GABRR1: variants seen among roughly 807,000 people sequenced by gnomAD.
GABRR1 encodes the protein gamma-aminobutyric acid receptor subunit rho-1.
A neutral mutation model predicts 55.5 loss-of-function variants in GABRR1; 59 were observed. The observed-to-expected ratio is 1.06, with a 90% CI of 0.86 to 1.32. The LOEUF (loss-of-function observed/expected upper bound fraction) is 1.32. Among genes scored for constraint, GABRR1 ranks in the 40% most tolerant of loss-of-function variants. The pLI is 0.00. For synonymous variants in GABRR1, 213 were observed against 226.0 expected (o/e 0.94, Z 0.51); for missense variants, 602 against 619.1 (o/e 0.97, Z 0.29).
At chr6:89,214,816 G>A (rs903020959) in intron 1 of GABRR1, among the ~76,000 whole-genome samples, 3 of 152,034 alleles carry the variant, frequency 2.0e-5, no homozygotes, top group Non-Finnish European at 4.4e-5. Flanking sequence ...CTTGAAGCCA[G>A]GAGCTCGAGA....
At position 89,184,340 on chromosome 6, in the gene GABRR1, G is replaced by A. The variant is rs548244881; in HGVS notation, c.796+970C>T. ...CTTGTGTCCCTACTTTTTTTTTTAA[G>A]GCAAGAAATGAAGCAAGTTAACCTC... On this transcript the variant is annotated intron_variant, in intron 7 of 9. Transcript: ENST00000454853. Among the ~76,000 whole-genome samples, 62 of 148,588 alleles carry A rather than the reference G, an allele frequency of 4.2e-4. 3 individuals are homozygous for A. In the South Asian group the frequency reaches 0.013, roughly 31 times the overall value.
chr6:89,197,159 C>T (rs138616180), intron 5 of GABRR1, among the ~76,000 whole-genome samples: 9 of 152,330 alleles, frequency 5.9e-5, no homozygotes, highest in African/African-American at 1.9e-4. Context: ...TTCAACATTG[C>T]AATCTCTGAC....
intron 4 of GABRR1, among the ~76,000 whole-genome samples, chr6:89,198,482 GC>G: frequency 6.6e-6 from 1 of 151,788 alleles, no homozygotes; most frequent in Non-Finnish European, 1.5e-5. Flanking sequence ...AGTGTGCCTG[GC>G]CCTGCTTCAA....
chr6:89,216,955 A>G (rs1773002525), intron 1 of GABRR1, among the ~76,000 whole-genome samples: 2 of 152,202 alleles, frequency 1.3e-5, no homozygotes, highest in Non-Finnish European at 2.9e-5. Flanking sequence ...CCTTTCACCC[A>G]GGACAATTCA....
intron 7 of GABRR1, among the ~76,000 whole-genome samples, chr6:89,183,599 A>T (rs1430148817): frequency 6.6e-6 from 1 of 152,166 alleles, no homozygotes; most frequent in African/African-American, 2.4e-5. Flanking sequence ...AAAGATATGA[A>T]ATCAACCTAA....
intron 3 of GABRR1, among the ~76,000 whole-genome samples, chr6:89,199,719 T>A (rs142062641): frequency 1.3e-5 from 2 of 152,272 alleles, no homozygotes; most frequent in African/African-American, 4.8e-5. Flanking sequence ...GTAACTGACG[T>A]CTTAGCATGA....
At chr6:89,193,776 A>G (rs1332116802) in intron 5 of GABRR1, among the ~76,000 whole-genome samples, 1 of 152,184 alleles carries the variant, frequency 6.6e-6, no homozygotes, top group East Asian at 1.9e-4. Context: ...AAAAACAAAC[A>G]TATCACGCCA....
chr6:89,223,046 G>GA (rs112642514), intron 1 of GABRR1, among the ~76,000 whole-genome samples: 23 of 151,978 alleles, frequency 1.5e-4, no homozygotes, highest in African/African-American at 5.6e-4. Context: ...TCCTTGTCTA[G>GA]ATTTTTTTTT....
Position 89,217,190 on chromosome 6 carries a change from T to A in GABRR1, c.122+11A>T. 6.2e-7 allele frequency: 1 copy of A among 1,613,750 alleles called. No homozygotes were observed. Among genetic ancestry groups the A allele is most frequent in the South Asian group, 1.1e-5 (1 of 90,980 alleles). On this transcript the variant is annotated intron_variant, in intron 1 of 9. Coordinates refer to ENST00000454853, the MANE Select transcript of GABRR1 (RefSeq NM_002042.5). ...TTTTCCTAAATCCTCTATCCCTAAA[T>A]GTCCACTCACCTGCCTTTCTTAGAC...
At chr6:89,225,068 A>T (rs1773177498) in intron 1 of GABRR1, among the ~76,000 whole-genome samples, 1 of 152,202 alleles carries the variant, frequency 6.6e-6, no homozygotes, top group Non-Finnish European at 1.5e-5. Context: ...GGCGAGAGCC[A>T]CCGTGCCCAG....
At chr6:89,197,403 T>C (rs989171130) in intron 5 of GABRR1, among the ~76,000 whole-genome samples, 1 of 152,202 alleles carries the variant, frequency 6.6e-6, no homozygotes, top group Non-Finnish European at 1.5e-5. Context: ...GTTTCTAAAG[T>C]TCCTGTGCAG....
chr6:89,221,093 C>T (rs1032044768), upstream of GABRR1, among the ~76,000 whole-genome samples: 1 of 152,150 alleles, frequency 6.6e-6, no homozygotes, highest in Non-Finnish European at 1.5e-5. Context: ...TTCTCACTCT[C>T]CTTTTTATTC....
At chr6:89,202,167 A>G (rs986577323) in intron 2 of GABRR1, among the ~76,000 whole-genome samples, 1 of 152,158 alleles carries the variant, frequency 6.6e-6, no homozygotes, top group African/African-American at 2.4e-5. Flanking sequence ...CTTTTTCTCG[A>G]TTGGTAACAT....
Position 89,178,907 on chromosome 6 carries a change from A to C in GABRR1, c.1303T>G (p.Ser435Ala), listed in dbSNP as rs375411182. ...VQLTLASERS[S>A]PQRKSQRSSY... ...CTTCTCTGACTTTTCCTCTGTGGGG[A>C]GCTCCTCTCTGAGGCCAGGGTCAGC... Residue 435 changes from serine to alanine, a missense_variant, in exon 10 of 10, where the codon TCC becomes GCC. By Grantham distance (99) the Ser-to-Ala change is moderately conservative. This residue lies in a region of GABRR1 where 139 missense variants were observed against 141.1 expected (regional missense o/e 0.99). Coordinates refer to ENST00000454853, the MANE Select transcript of GABRR1 (RefSeq NM_002042.5). 1 of 1,613,976 alleles carries C rather than the reference A, an allele frequency of 6.2e-7. No homozygotes were observed. Among genetic ancestry groups the C allele is most frequent in the Non-Finnish European group, 8.5e-7 (1 of 1,179,998 alleles).
chr6:89,217,345 C>T lies in GABRR1; in HGVS notation c.-23G>A. ...CATGGGTTTCCAAATTCAAACAGCT[C>T]TCTCCAGAAACAGCAAAAAGGAAAA... On this transcript the variant is annotated 5_prime_UTR_variant, in exon 1 of 10. Transcript: ENST00000454853. 1 of 1,613,290 alleles carries T rather than the reference C, an allele frequency of 6.2e-7. No individual in the cohort carries two copies. Among genetic ancestry groups the T allele is most frequent in the Non-Finnish European group, 8.5e-7 (1 of 1,179,580 alleles).
intron 6 of GABRR1, among the ~76,000 whole-genome samples, chr6:89,189,637 T>C (rs1471913910): frequency 1.3e-5 from 2 of 150,066 alleles, no homozygotes; most frequent in Non-Finnish European, 3.0e-5. Flanking sequence ...AATGTGCACA[T>C]GTACCCTAAA....
intron 7 of GABRR1, 90 bp from the exon 8 acceptor site, chr6:89,182,147 T>C: frequency 8.4e-7 from 1 of 1,197,124 alleles, no homozygotes; most frequent in Non-Finnish European, 1.2e-6. Flanking sequence ...CCTTAGACAC[T>C]CCAATGGACT....
chr6:89,208,545 C>G (rs13215017), intron 1 of GABRR1, among the ~76,000 whole-genome samples: 26,602 of 152,174 alleles, frequency 0.17, 2,913 homozygotes, highest in African/African-American at 0.31. Flanking sequence ...AAAGCAGATA[C>G]CCTCCATCAT....
chr6:89,226,541 T>C (rs1010024388), intron 1 of GABRR1, among the ~76,000 whole-genome samples: 2 of 151,724 alleles, frequency 1.3e-5, no homozygotes, highest in Admixed American at 6.6e-5. Flanking sequence ...CCATTGCTTG[T>C]TTTCCTCAGG....
Sources: allele counts gnomAD v4.1 joint callset (sites outside exome capture counted in the v4.1 genomes callset), GRCh38; gene constraint gnomAD v4.1.1; regional missense constraint gnomAD v4.1.1; transcripts MANE v1.5; gene names NCBI Gene and HGNC (gene_info 2026-07-23, HGNC 2026-07-21).